The following CCDC85A variants were observed in gnomAD, a reference collection of about 807,000 sequenced individuals.
The protein encoded by CCDC85A is coiled-coil domain-containing protein 85A.
In CCDC85A, 38 loss-of-function variants were observed where a neutral mutation model predicts 50.2. That is an observed-to-expected ratio of 0.76 (90% CI 0.58 to 0.99). The LOEUF (loss-of-function observed/expected upper bound fraction) is 0.99, where lower values mean the gene tolerates loss of function less well. Ranked by LOEUF, CCDC85A falls within the 50% of genes least tolerant of loss-of-function variation. The pLI, the probability that CCDC85A is intolerant of heterozygous loss-of-function variation, is 0.00. For missense variants in CCDC85A, 820 were observed against 742.0 expected (o/e 1.11, Z -1.22); for synonymous variants, 366 against 301.4 (o/e 1.21, Z -2.22).
chr2:56,224,604 C>A (rs1668466854), intron 2 of CCDC85A, among the ~76,000 whole-genome samples: 1 of 152,116 alleles, frequency 6.6e-6, no homozygotes, highest in Non-Finnish European at 1.5e-5. Context: ...TCCTCCACAT[C>A]CTTGCCAATA....
chr2:56,205,019 C>G (rs923791374), intron 2 of CCDC85A, among the ~76,000 whole-genome samples: 1 of 152,150 alleles, frequency 6.6e-6, no homozygotes, highest in African/African-American at 2.4e-5. Context: ...AGATGGCAGA[C>G]AACAAATGGA....
chr2:56,202,109 A>G (rs183627435), intron 2 of CCDC85A, among the ~76,000 whole-genome samples: 6 of 152,350 alleles, frequency 3.9e-5, no homozygotes, highest in African/African-American at 1.4e-4. Flanking sequence ...GTTTTTCTCA[A>G]TTCTTATTGG....
chr2:56,369,622 C>G (rs1312245513), intron 3 of CCDC85A, among the ~76,000 whole-genome samples: 1 of 152,112 alleles, frequency 6.6e-6, no homozygotes, highest in Non-Finnish European at 1.5e-5. Context: ...ACATAGGTCA[C>G]TTCATACTTT....
chr2:56,380,418 GGCACAGTA>G (rs1676526669), intron 5 of CCDC85A, among the ~76,000 whole-genome samples: 2 of 152,032 alleles, frequency 1.3e-5, no homozygotes, highest in African/African-American at 4.8e-5. Context: ...AGTTAGGCCA[GGCACAGTA>G]GCACACACCT....
chr2:56,246,676 A>G (rs1669525816), intron 2 of CCDC85A, among the ~76,000 whole-genome samples: 1 of 152,252 alleles, frequency 6.6e-6, no homozygotes, highest in South Asian at 2.1e-4. Flanking sequence ...TCATATGACC[A>G]TAAATGAGAG....
At chr2:56,362,537 A>T (rs138628481) in intron 3 of CCDC85A, among the ~76,000 whole-genome samples, 246 of 152,194 alleles carry the variant, frequency 1.6e-3, no homozygotes, top group African/African-American at 5.5e-3. Context: ...AGATTTAAAG[A>T]TGGAGAAGGA....
At chr2:56,295,641 A>T (rs1671915200) in intron 2 of CCDC85A, among the ~76,000 whole-genome samples, 1 of 152,124 alleles carries the variant, frequency 6.6e-6, no homozygotes, top group Non-Finnish European at 1.5e-5. Flanking sequence ...TAGGAGTGTG[A>T]GTTTCTGCCA....
In CCDC85A at chr2:56,285,895, A is replaced by G. The variant is rs150405694; in HGVS notation, c.1241-56984A>G. On this transcript the variant is annotated intron_variant, in intron 2 of 5. Coordinates refer to ENST00000407595, the MANE Select transcript of CCDC85A (RefSeq NM_001080433.2). ...CTGAAGAAATTTCTTTTTGTAGTAC[A>G]GGTCTGTTGGATATAAATCTTCTTA... is the stretch of plus-strand genomic sequence containing the variant. Among the ~76,000 whole-genome samples, 763 of 152,030 alleles carry G rather than the reference A, an allele frequency of 5.0e-3. 9 individuals carry two copies. The highest frequency in any genetic ancestry group is 0.017 in the African/African-American group (713 of 41,464).
intron 3 of CCDC85A, among the ~76,000 whole-genome samples, chr2:56,353,798 G>A (rs6760801): frequency 0.11 from 16,884 of 152,200 alleles, 1,116 homozygotes; most frequent in East Asian, 0.26. Flanking sequence ...ACTAGGAACA[G>A]TCTTATTATT....
intron 2 of CCDC85A, among the ~76,000 whole-genome samples, chr2:56,284,688 C>T (rs1671352657): frequency 6.6e-6 from 1 of 152,058 alleles, no homozygotes; most frequent in African/African-American, 2.4e-5. Context: ...CTTCTAAATC[C>T]TTACTAATGT....
chr2:56,281,538 C>G (rs1465756766), intron 2 of CCDC85A, among the ~76,000 whole-genome samples: 1 of 152,178 alleles, frequency 6.6e-6, no homozygotes, highest in African/African-American at 2.4e-5. Flanking sequence ...ACACTCCCAT[C>G]ATAAGTGTTT....
intron 2 of CCDC85A, among the ~76,000 whole-genome samples, chr2:56,329,945 G>GTTTTTTTTTTTTTTTTTTTTTTTTT (rs535050957): frequency 4.5e-5 from 2 of 44,162 alleles, no homozygotes; most frequent in Non-Finnish European, 9.6e-5. Context: ...CAGATTTCCT[G>GTTTTTTTTTTTTTTTTTTTTTTTTT]TTTTTTTTTT....
chr2:56,248,512 A>G (rs1669609682), intron 2 of CCDC85A, among the ~76,000 whole-genome samples: 1 of 152,048 alleles, frequency 6.6e-6, no homozygotes, highest in Non-Finnish European at 1.5e-5. Flanking sequence ...GTTTCCACTC[A>G]AAGTCCCTGG....
At chr2:56,259,588 C>T (rs17047713) in intron 2 of CCDC85A, among the ~76,000 whole-genome samples, 7,174 of 152,234 alleles carry the variant, frequency 0.047, 574 homozygotes, top group African/African-American at 0.16. Flanking sequence ...CCTGATCCTC[C>T]TGGCATTTTC....
chr2:56,233,345 T>C (rs1177327496), intron 2 of CCDC85A, among the ~76,000 whole-genome samples: 1 of 152,158 alleles, frequency 6.6e-6, no homozygotes, highest in Non-Finnish European at 1.5e-5. Context: ...TGAGACTACA[T>C]ACCTTCCTTG....
At chr2:56,344,165 C>G (rs11902889) in intron 3 of CCDC85A, among the ~76,000 whole-genome samples, 18,927 of 152,090 alleles carry the variant, frequency 0.12, 1,313 homozygotes, top group East Asian at 0.31. Flanking sequence ...ATGTTTTCTT[C>G]TATACATAAA....
At chr2:56,233,253 T>C (rs778527271) in intron 2 of CCDC85A, among the ~76,000 whole-genome samples, 1 of 151,426 alleles carries the variant, frequency 6.6e-6, no homozygotes, top group African/African-American at 2.5e-5. Flanking sequence ...ACTGACAGGG[T>C]TAAGTCAAAT....
At chr2:56,304,126 G>GT (rs1165748469) in intron 2 of CCDC85A, among the ~76,000 whole-genome samples, 4 of 152,168 alleles carry the variant, frequency 2.6e-5, no homozygotes, top group African/African-American at 9.7e-5. Flanking sequence ...TGAGGCTGTT[G>GT]TAAGTGCATT....
At chr2:56,184,969 C>A in intron 1 of CCDC85A, 69 bp downstream of exon 1, 1 of 1,425,996 alleles carries the variant, frequency 7.0e-7, no homozygotes, top group Non-Finnish European at 9.1e-7. Context: ...GAGGCGGGGC[C>A]AGGCAAACTT....
Sources: gnomAD v4.1 joint callset for allele counts (sites outside exome capture counted in the v4.1 genomes callset) on GRCh38, gnomAD v4.1.1 for gene constraint, MANE v1.5 for transcripts, NCBI Gene and HGNC (gene_info 2026-07-23, HGNC 2026-07-21) for gene names.